RAI14: variants seen among roughly 807,000 people sequenced by gnomAD.
RAI14 encodes retinoic acid induced 14.
RAI14 carries 45 observed loss-of-function variants against 115.4 expected under a neutral mutation model. That is an observed-to-expected ratio of 0.39 (90% CI 0.31 to 0.50). RAI14 has a LOEUF of 0.50. Among genes scored for constraint, RAI14 ranks in the 20% least tolerant of loss-of-function variants. The probability of loss-of-function intolerance (pLI) is 0.85; values close to 1 mark genes in which losing one functional copy is unlikely to be tolerated. For synonymous variants in RAI14, 371 were observed against 415.4 expected, an observed-to-expected ratio of 0.89 and a Z score of 1.30; for missense variants, 939 against 1,131.2, an observed-to-expected ratio of 0.83 and a Z score of 2.44.
chr5:34,688,057 T>C, intron 2 of RAI14: 2 of 1,440,142 alleles, frequency 1.4e-6, no homozygotes, highest in Non-Finnish European at 1.8e-6. Context: ...TCTTACCTTC[T>C]TATCCTTTAG....
At position 34,830,999 on chromosome 5, in the gene RAI14, AGAGC is replaced by A; in HGVS notation, c.*235_*238del. The stretch of plus-strand genomic sequence containing the variant: ...AGTCCCTGTCATCCCTTCAGATTCC[AGAGC>A]TGGGATCAGCCATGCCCAGAGGTCT... On this transcript the variant is annotated 3_prime_UTR_variant, in exon 18 of 18. Transcript: ENST00000265109. The A allele has an allele frequency of 1.4e-6, 1 of 718,926 alleles. No homozygotes were observed. Among genetic ancestry groups the A allele is most frequent in the Non-Finnish European group, 2.0e-6 (1 of 491,256 alleles). 44.5% of individuals were successfully genotyped at this position (718,926 alleles called of 1,614,324 possible).
chr5:34,752,743 GTGTGTGTATA>G (rs1320568847), intron 2 of RAI14, among the ~76,000 whole-genome samples: 41 of 100,900 alleles, frequency 4.1e-4, no homozygotes, highest in African/African-American at 8.9e-4. Context: ...GTGTGTGTGT[GTGTGTGTATA>G]TATATATATA....
chr5:34,765,836 C>T (rs997525834), intron 3 of RAI14, among the ~76,000 whole-genome samples: 22 of 152,220 alleles, frequency 1.4e-4, no homozygotes, highest in African/African-American at 5.3e-4. Flanking sequence ...GCCAGGAGGC[C>T]CAGGAGGAAA....
In RAI14 at chr5:34,714,107, A is replaced by G. The variant is rs529939531; in HGVS notation, c.36+27152A>G. On this transcript the variant is annotated intron_variant, in intron 2 of 17. Transcript: ENST00000265109. Reference sequence around the variant, plus strand: ...GTGAGCCACCTCGCCCGGCCTTTGAATTTATTTTCTTTTGAGTAATAGGTA... The same window carrying G: ...GTGAGCCACCTCGCCCGGCCTTTGAGTTTATTTTCTTTTGAGTAATAGGTA... Among the ~76,000 whole-genome samples the G allele has an allele frequency of 7.9e-5, 12 of 152,276 alleles. No homozygotes were observed. The South Asian group carries it at 2.3e-3, about 29-fold the overall frequency.
intron 2 of RAI14, among the ~76,000 whole-genome samples, chr5:34,747,763 A>T (rs1368015760): frequency 6.6e-6 from 1 of 152,202 alleles, no homozygotes; most frequent in Non-Finnish European, 1.5e-5. Context: ...CCAAGGTAGA[A>T]ATGAGAAAAA....
intron 1 of RAI14, among the ~76,000 whole-genome samples, chr5:34,677,520 C>T (rs577591435): frequency 1.3e-5 from 2 of 151,874 alleles, no homozygotes; most frequent in Non-Finnish European, 2.9e-5. Context: ...TCATAGCTCC[C>T]TGTAGCCTCA....
At chr5:34,695,053 C>A (rs1426755716) in intron 2 of RAI14, among the ~76,000 whole-genome samples, 1 of 152,140 alleles carries the variant, frequency 6.6e-6, no homozygotes, top group Non-Finnish European at 1.5e-5. Flanking sequence ...CGTGTGCCAC[C>A]ATACCCGGCT....
chr5:34,773,947 GA>G (rs1308084964), intron 3 of RAI14, among the ~76,000 whole-genome samples: 1 of 152,132 alleles, frequency 6.6e-6, no homozygotes, highest in East Asian at 1.9e-4. Context: ...AATCAGACAA[GA>G]GAAAGAAACA....
chr5:34,720,661 C>T (rs1264003565), intron 2 of RAI14, among the ~76,000 whole-genome samples: 5 of 151,986 alleles, frequency 3.3e-5, no homozygotes, highest in East Asian at 1.9e-4. Context: ...CTGCCCACCT[C>T]GGCCTCCCAA....
intron 4 of RAI14, among the ~76,000 whole-genome samples, chr5:34,801,746 A>AC (rs1284646648): frequency 1.3e-5 from 2 of 151,644 alleles, no homozygotes; most frequent in African/African-American, 4.8e-5. Context: ...TAAAAAAAAA[A>AC]AGGTATTTGG....
At chr5:34,706,548 G>A (rs530862338) in intron 2 of RAI14, among the ~76,000 whole-genome samples, 27 of 152,200 alleles carry the variant, frequency 1.8e-4, no homozygotes, top group African/African-American at 4.1e-4. Flanking sequence ...AATGATACTC[G>A]AACCCGGAGT....
intron 2 of RAI14, among the ~76,000 whole-genome samples, chr5:34,703,487 G>A (rs1225704809): frequency 2.0e-5 from 3 of 152,164 alleles, no homozygotes; most frequent in African/African-American, 7.2e-5. Flanking sequence ...TTCTAGACAT[G>A]CTTGTGATGC....
chr5:34,659,913 C>T (rs1742564222), intron 1 of RAI14, among the ~76,000 whole-genome samples: 1 of 152,106 alleles, frequency 6.6e-6, no homozygotes, highest in Admixed American at 6.6e-5. Context: ...TGTAGTGTTG[C>T]ATGCCTGTAA....
At chr5:34,697,935 T>G (rs1309792369) in intron 2 of RAI14, among the ~76,000 whole-genome samples, 5 of 152,128 alleles carry the variant, frequency 3.3e-5, no homozygotes, top group Admixed American at 6.6e-5. Flanking sequence ...CATGTAACTT[T>G]ATTAATATAA....
intron 3 of RAI14, among the ~76,000 whole-genome samples, chr5:34,784,452 T>TTTGC (rs1752043084): frequency 6.6e-6 from 1 of 152,218 alleles, no homozygotes; most frequent in Non-Finnish European, 1.5e-5. Flanking sequence ...GCTAAATGGG[T>TTTGC]TTGCTGAGTA....
At chr5:34,744,506 T>A (rs2150055311) in intron 2 of RAI14, among the ~76,000 whole-genome samples, 1 of 152,328 alleles carries the variant, frequency 6.6e-6, no homozygotes. Context: ...ACCACTGTGC[T>A]GTGATCTGCT....
chr5:34,698,163 CTCCCCTCCTCCCT>C (rs1285571630), intron 2 of RAI14, among the ~76,000 whole-genome samples: 1 of 22,650 alleles, frequency 4.4e-5, no homozygotes, highest in East Asian at 8.2e-4. Flanking sequence ...CCCTTCCTCC[CTCCCCTCCTCCCT>C]TCCCCTCCTC....
In RAI14 at chr5:34,708,253, G is replaced by A. The variant is rs573888735; in HGVS notation, c.36+21298G>A. ...GTTTCACTCTTGTTGCCCAGGCTGG[G>A]GTGCAATGGCGCGATCTCGGCTCAC... is the stretch of plus-strand genomic sequence containing the variant. On this transcript the variant is annotated intron_variant, in intron 2 of 17. Transcript: ENST00000265109. Among the ~76,000 whole-genome samples, 528 of 151,518 alleles carry A rather than the reference G, an allele frequency of 3.5e-3. 5 individuals carry two copies. The highest frequency in any genetic ancestry group is 0.012 in the African/African-American group (489 of 41,316).
intron 4 of RAI14, among the ~76,000 whole-genome samples, chr5:34,798,417 T>A (rs1216089472): frequency 6.6e-6 from 1 of 151,720 alleles, no homozygotes; most frequent in African/African-American, 2.4e-5. Flanking sequence ...AAGAAGAAGA[T>A]AACTCAAGTT....
Sources: allele counts gnomAD v4.1 joint callset (sites outside exome capture counted in the v4.1 genomes callset), GRCh38; gene constraint gnomAD v4.1.1; transcripts MANE v1.5; gene names NCBI Gene and HGNC (gene_info 2026-07-23, HGNC 2026-07-21).